The following TNIP1 variants were observed in gnomAD, a reference collection of about 807,000 sequenced individuals.
The protein encoded by TNIP1 is TNFAIP3-interacting protein 1.
TNIP1 carries 22 observed loss-of-function variants against 86.6 expected under a neutral mutation model. The ratio of observed to expected loss-of-function variants is 0.25; its 90% CI spans 0.18 to 0.36. TNIP1 has a LOEUF of 0.36. Among genes scored for constraint, TNIP1 ranks in the 10% least tolerant of loss-of-function variants. TNIP1 has a pLI of 1.00. For synonymous variants in TNIP1, 294 were observed against 313.0 expected, an observed-to-expected ratio of 0.94 and a Z score of 0.64; for missense variants, 709 against 820.6, an observed-to-expected ratio of 0.86 and a Z score of 1.66.
intron 2 of TNIP1, among the ~76,000 whole-genome samples, chr5:151,064,312 G>A (rs1271657029): frequency 6.6e-6 from 1 of 152,230 alleles, no homozygotes; most frequent in Non-Finnish European, 1.5e-5. Context: ...TCTAAAACAT[G>A]AGACTAGAGA....
chr5:151,031,010 G>A (rs2113182433), intron 17 of TNIP1, among the ~76,000 whole-genome samples: 1 of 152,308 alleles, frequency 6.6e-6, no homozygotes, highest in South Asian at 2.1e-4. Flanking sequence ...TCCAGGTCCA[G>A]GAAATAGTGG....
chr5:151,061,498 G>C (rs569722221), intron 4 of TNIP1, among the ~76,000 whole-genome samples: 1 of 144,026 alleles, frequency 6.9e-6, no homozygotes, highest in East Asian at 2.0e-4. Flanking sequence ...TTTTTTTTAT[G>C]AGAGGGTCTG....
intron 14 of TNIP1, among the ~76,000 whole-genome samples, chr5:151,035,353 C>T (rs943883613): frequency 4.6e-5 from 7 of 152,252 alleles, no homozygotes; most frequent in Admixed American, 4.6e-4. Context: ...GAGTAAAGCC[C>T]AGAACTGACT....
Position 151,045,969 on chromosome 5 carries a change from G to A in TNIP1, c.847-19C>T, listed in dbSNP as rs1759110934. On this transcript the variant is annotated intron_variant, in intron 8 of 17. Transcript: ENST00000521591. ...CACTAGCCTGGGGAGAAGCACAGAGGAGCCTTCACCAAAACCTCAATACAA... is the reference window on the plus strand; with the variant it reads ...CACTAGCCTGGGGAGAAGCACAGAGAAGCCTTCACCAAAACCTCAATACAA... 1.9e-6 allele frequency: 3 copies of A among 1,611,932 alleles called. No homozygotes were observed. Among genetic ancestry groups the A allele is most frequent in the South Asian group, 1.1e-5 (1 of 91,038 alleles).
At chr5:151,057,128 C>T (rs1220716872) in intron 5 of TNIP1, among the ~76,000 whole-genome samples, 171 bp from the exon 6 acceptor site, 1 of 152,256 alleles carries the variant, frequency 6.6e-6, no homozygotes, top group Non-Finnish European at 1.5e-5. Flanking sequence ...GGCTGACTCA[C>T]AGGGCAGAAC....
intron 1 of TNIP1, among the ~76,000 whole-genome samples, chr5:151,077,116 T>G (rs3792782): frequency 6.6e-6 from 1 of 152,214 alleles, no homozygotes; most frequent in East Asian, 1.9e-4. Context: ...GACACCACCA[T>G]CTGACAAGGG....
chr5:151,079,546 C>T (rs1413565270), intron 1 of TNIP1, among the ~76,000 whole-genome samples: 1 of 151,814 alleles, frequency 6.6e-6, no homozygotes, highest in Admixed American at 6.6e-5. Flanking sequence ...ATCGCTTGAA[C>T]CTGGGAGGCA....
intron 1 of TNIP1, among the ~76,000 whole-genome samples, chr5:151,067,347 G>A (rs1762356916): frequency 1.3e-5 from 2 of 152,264 alleles, no homozygotes; most frequent in South Asian, 2.1e-4. Context: ...GGTACAGCAT[G>A]TGTCTGACTG....
At chr5:151,036,995 G>T in intron 12 of TNIP1, 74 bp from the exon 13 acceptor site, 1 of 1,501,104 alleles carries the variant, frequency 6.7e-7, no homozygotes, top group Non-Finnish European at 8.9e-7. Flanking sequence ...GTCATCCTCA[G>T]GGAACTCCTT....
intron 9 of TNIP1, among the ~76,000 whole-genome samples, chr5:151,045,384 C>T (rs918580817): frequency 5.9e-5 from 9 of 152,198 alleles, no homozygotes; most frequent in Non-Finnish European, 1.3e-4. Context: ...GCCACCGCAC[C>T]CAGCCAAGGT....
intron 5 of TNIP1, among the ~76,000 whole-genome samples, chr5:151,059,826 AGAGTGTGT>A (rs1761233305): frequency 5.0e-4 from 36 of 72,192 alleles, no homozygotes; most frequent in African/African-American, 2.4e-3. Flanking sequence ...AGAGAGAGAG[AGAGTGTGT>A]GTGTGTGTGT....
intron 1 of TNIP1, among the ~76,000 whole-genome samples, chr5:151,075,059 G>C (rs930674365): frequency 4.6e-5 from 7 of 152,078 alleles, no homozygotes; most frequent in Non-Finnish European, 1.0e-4. Context: ...AGTAAGGCAT[G>C]AGTCACCACG....
At position 151,045,868 on chromosome 5, in the gene TNIP1, C is replaced by A. The variant is rs1265452130; in HGVS notation, c.929G>T (p.Arg310Leu). 1.9e-6 allele frequency: 3 copies of A among 1,613,982 alleles called. 1 individual carries two copies. Among genetic ancestry groups the A allele is most frequent in the South Asian group, 2.2e-5 (2 of 91,070 alleles). Reference sequence around the variant, plus strand: ...GCCACCTCGGCCACCTACCTCACTGCGCTGCTGCTCCAGCATCTTCACCTT... The same window carrying A: ...GCCACCTCGGCCACCTACCTCACTGAGCTGCTGCTCCAGCATCTTCACCTT... ...EKKVKMLEQQ[R>L]SELLEVNKQW... The change falls in exon 9 of 18, where the codon CGC (arginine) becomes CTC (leucine). Residue 310 changes from arginine to leucine, a missense_variant. Coordinates refer to ENST00000521591, the MANE Select transcript of TNIP1 (RefSeq NM_006058.5).
Position 151,039,220 on chromosome 5 carries a change from G to A in TNIP1, c.1140C>T (p.Asp380=). ...TGGCCTCTGCTGTCAGCTGCTCCTT[G>A]TCGGTCTGCAGGGAATACAAGGTTG... is the stretch of plus-strand genomic sequence containing the variant. The part of the protein sequence containing the change: ...AKSKIEMEET[D]KEQLTAEAKE... Residue 380 remains aspartate, a synonymous_variant, in exon 12 of 18, where the codon GAC becomes GAT. Transcript: ENST00000521591. 1 of 1,612,316 alleles carries A rather than the reference G, an allele frequency of 6.2e-7. No individual in the cohort carries two copies.
chr5:151,052,207 T>C lies in TNIP1; in HGVS notation c.680A>G (p.Asp227Gly), dbSNP rs1760025993. 2 of 1,613,978 alleles carry C rather than the reference T, an allele frequency of 1.2e-6. No homozygotes were observed. The highest frequency in any genetic ancestry group is 1.3e-5 in the African/African-American group (1 of 74,908). Residue 227 changes from aspartate (D) to glycine (G), a missense_variant, in exon 7 of 18, where the codon GAT becomes GGT. Transcript: ENST00000521591. ...KENEALKAKL[D>G]KGLEQRDQAA... ...CTGATCCCGCTGTTCCAGGCCCTTA[T>C]CCAACTTGGCCTTCAGAGCCTCGTT...
intron 1 of TNIP1, among the ~76,000 whole-genome samples, chr5:151,078,210 T>C (rs6889239): frequency 0.41 from 62,983 of 152,168 alleles, 15,905 homozygotes; most frequent in East Asian, 0.73. Context: ...GAACACTGCA[T>C]GGCACTGGGC....
intron 6 of TNIP1, among the ~76,000 whole-genome samples, chr5:151,054,420 C>T (rs149171963): frequency 0.014 from 2,125 of 152,266 alleles, 50 homozygotes; most frequent in African/African-American, 0.048. Flanking sequence ...GTGGCTCACA[C>T]CAGTAATCCC....
chr5:151,075,139 A>G (rs957531436), intron 1 of TNIP1, among the ~76,000 whole-genome samples: 1 of 152,184 alleles, frequency 6.6e-6, no homozygotes. Context: ...ACATTAAAAA[A>G]AAAACTTTAA....
chr5:151,066,260 T>A (rs1361600865), intron 1 of TNIP1, among the ~76,000 whole-genome samples: 1 of 152,178 alleles, frequency 6.6e-6, no homozygotes, highest in Non-Finnish European at 1.5e-5. Flanking sequence ...TGAAGACATC[T>A]GAAGGAAGAA....
Sources: allele counts gnomAD v4.1 joint callset (sites outside exome capture counted in the v4.1 genomes callset), GRCh38; gene constraint gnomAD v4.1.1; transcripts MANE v1.5; gene names NCBI Gene and HGNC (gene_info 2026-07-23, HGNC 2026-07-21).